GLRA2: variants seen among roughly 807,000 people sequenced by gnomAD.
GLRA2 encodes the protein glycine receptor subunit alpha-2.
In GLRA2, 11 loss-of-function variants were observed where a neutral mutation model predicts 31.6. The observed-to-expected ratio is 0.35, with a 90% CI of 0.22 to 0.58. The LOEUF (loss-of-function observed/expected upper bound fraction) is 0.58, where lower values mean the gene tolerates loss of function less well. GLRA2 is among the 20% of genes least tolerant of loss of function. The pLI is 0.84. For synonymous variants in GLRA2, 132 were observed against 134.0 expected (o/e 0.99, Z 0.10); for missense variants, 212 against 351.8 (o/e 0.60, Z 3.18).
the GLRA2 span, among the ~76,000 whole-genome samples, chrX:14,466,072 T>G: frequency 8.9e-6 from 1 of 112,003 alleles, no homozygotes; most frequent in South Asian, 3.7e-4. Flanking sequence ...CTAGACAACC[T>G]ACACCTAATT....
the GLRA2 span, among the ~76,000 whole-genome samples, chrX:14,503,582 C>T: frequency 2.5e-4 from 28 of 111,733 alleles, no homozygotes; most frequent in Admixed American, 1.9e-4. Context: ...TACTTGCCCT[C>T]TTCAGCATGT....
At chrX:14,635,677 A>G (rs1288563968) in intron 7 of GLRA2, among the ~76,000 whole-genome samples, 1 of 112,102 alleles carries the variant, frequency 8.9e-6, no homozygotes, top group Non-Finnish European at 1.9e-5. Context: ...TAGACTTCAA[A>G]ATATGAAAAA....
At chrX:14,574,869 A>G (rs1237507499) in intron 3 of GLRA2, among the ~76,000 whole-genome samples, 1 of 111,525 alleles carries the variant, frequency 9.0e-6, no homozygotes, top group Non-Finnish European at 1.9e-5. Context: ...TGCATCTCCA[A>G]TGCTTCAGAA....
chrX:14,463,258 C>T, the GLRA2 span, among the ~76,000 whole-genome samples: 6 of 111,342 alleles, frequency 5.4e-5, no homozygotes, highest in African/African-American at 2.0e-4. Context: ...TATGAGGTGT[C>T]TGTCGGCACC....
chrX:14,555,323 G>T (rs2089628077), intron 2 of GLRA2, among the ~76,000 whole-genome samples: 1 of 112,054 alleles, frequency 8.9e-6, no homozygotes, highest in Non-Finnish European at 1.9e-5. Flanking sequence ...TGAGAGTTAG[G>T]TGAAGATATT....
chrX:14,449,812 C>T, the GLRA2 span, among the ~76,000 whole-genome samples: 1 of 112,274 alleles, frequency 8.9e-6, no homozygotes, highest in Non-Finnish European at 1.9e-5. Context: ...AGCACACTGT[C>T]CAGGGGTATC....
chrX:14,565,583 T>A (rs1363155273), intron 2 of GLRA2, among the ~76,000 whole-genome samples: 2 of 111,536 alleles, frequency 1.8e-5, no homozygotes, highest in Non-Finnish European at 3.8e-5. Flanking sequence ...TATCAATATA[T>A]AATATAATTG....
rs539133143 is a variant in GLRA2 at position 14,718,276 on chromosome X, A to G, written c.1081-11931A>G. On this transcript the variant is annotated intron_variant, in intron 8 of 8. Coordinates refer to ENST00000218075, the MANE Select transcript of GLRA2 (RefSeq NM_002063.4). ...TCACCAACACTGTACTTAGACTGGCATTTTTAGTCCTACTTTTAAATTTGA... is the reference window on the plus strand; with the variant it reads ...TCACCAACACTGTACTTAGACTGGCGTTTTTAGTCCTACTTTTAAATTTGA... Among the ~76,000 whole-genome samples the G allele has an allele frequency of 5.4e-5, 6 of 111,878 alleles. No individual in the cohort carries two copies. The East Asian group carries it at 1.7e-3, about 32-fold the overall frequency.
chrX:14,540,987 G>A (rs1409491963), intron 2 of GLRA2, among the ~76,000 whole-genome samples: 7 of 109,507 alleles, frequency 6.4e-5, no homozygotes, highest in Non-Finnish European at 1.3e-4. Context: ...AGAGAGAGAC[G>A]CGGAGGGAGA....
chrX:14,731,595 G>A lies in GLRA2; in HGVS notation c.*1110G>A, dbSNP rs1166197192. 9.0e-6 allele frequency: 1 copy of A among 111,637 alleles called. No homozygotes were observed. The highest frequency in any genetic ancestry group is 1.9e-5 in the Non-Finnish European group (1 of 53,095). The allele number at this position is 111,637 out of a possible 1,213,427, so 9.2% of individuals were successfully genotyped here. On this transcript the variant is annotated 3_prime_UTR_variant, in exon 9 of 9. Transcript: ENST00000218075. ...AACTAACTTAAAGAATTTTAAAATT[G>A]TACTGTGATTTTCATAACCCGTTGC...
intron 4 of GLRA2, among the ~76,000 whole-genome samples, chrX:14,603,217 A>G (rs1358130848): frequency 9.1e-6 from 1 of 109,406 alleles, no homozygotes; most frequent in East Asian, 2.9e-4. Flanking sequence ...GGCCATTTGT[A>G]TATCTTCTTT....
chrX:14,617,305 T>TGTC (rs1414672904), intron 7 of GLRA2, among the ~76,000 whole-genome samples: 1 of 112,039 alleles, frequency 8.9e-6, no homozygotes, highest in Non-Finnish European at 1.9e-5. Flanking sequence ...TGTCAGGCAC[T>TGTC]ATGTTATAAT....
intron 8 of GLRA2, among the ~76,000 whole-genome samples, chrX:14,696,203 G>C (rs1300473303): frequency 1.0e-5 from 1 of 97,478 alleles, no homozygotes; most frequent in East Asian, 3.5e-4. Flanking sequence ...AGGGAGAATG[G>C]GATGGAGGGA....
At chrX:14,532,028 G>A (rs991769837) in intron 1 of GLRA2, among the ~76,000 whole-genome samples, 8 of 111,728 alleles carry the variant, frequency 7.2e-5, no homozygotes, top group African/African-American at 1.9e-4. Context: ...CCTGGGTGAC[G>A]CGACTCAGGA....
At chrX:14,560,643 T>A (rs751492824) in intron 2 of GLRA2, among the ~76,000 whole-genome samples, 243 of 109,164 alleles carry the variant, frequency 2.2e-3, no homozygotes, top group Middle Eastern at 4.7e-3. Flanking sequence ...GACCCCCGTC[T>A]CTACAAACAA....
At chrX:14,724,626 C>CAAAAAAAAAAAAAAAAAA (rs758722703) in intron 8 of GLRA2, among the ~76,000 whole-genome samples, 15 of 49,581 alleles carry the variant, frequency 3.0e-4, no homozygotes, top group African/African-American at 1.0e-3. Flanking sequence ...AACTCTGTCT[C>CAAAAAAAAAAAAAAAAAA]AAAAAAAAAA....
intron 7 of GLRA2, among the ~76,000 whole-genome samples, chrX:14,688,361 T>C (rs892785926): frequency 2.7e-5 from 3 of 111,674 alleles, no homozygotes; most frequent in African/African-American, 9.8e-5. Flanking sequence ...TGCAGAGGTT[T>C]CTGCTGCCTT....
intron 7 of GLRA2, among the ~76,000 whole-genome samples, chrX:14,615,187 AC>A (rs1443961228): frequency 8.9e-6 from 1 of 111,763 alleles, no homozygotes. Flanking sequence ...TCGTGTACCC[AC>A]CCCTCAGCAC....
At chrX:14,660,136 G>T (rs1240292570) in intron 7 of GLRA2, among the ~76,000 whole-genome samples, 9 of 111,691 alleles carry the variant, frequency 8.1e-5, no homozygotes, top group Non-Finnish European at 1.7e-4. Flanking sequence ...AAGTGCTGTT[G>T]GGGGGCAGGA....
Sources: allele counts gnomAD v4.1 joint callset (sites outside exome capture counted in the v4.1 genomes callset), GRCh38; gene constraint gnomAD v4.1.1; transcripts MANE v1.5; gene names NCBI Gene and HGNC (gene_info 2026-07-23, HGNC 2026-07-21).